Variants in SCN2A observed in about 807,000 individuals in gnomAD.
SCN2A encodes the protein sodium channel protein type 2 subunit alpha.
SCN2A carries 20 observed loss-of-function variants against 188.7 expected under a neutral mutation model. That is an observed-to-expected ratio of 0.11 (90% CI 0.07 to 0.15). The LOEUF (loss-of-function observed/expected upper bound fraction) is 0.15, where lower values mean the gene tolerates loss of function less well. SCN2A is among the 10% of genes least tolerant of loss of function. The pLI is 1.00. For synonymous variants in SCN2A, 804 were observed against 833.1 expected, an observed-to-expected ratio of 0.97 and a Z score of 0.60; for missense variants, 1,278 against 2,445.0, an observed-to-expected ratio of 0.52 and a Z score of 10.07.
At chr2:165,308,595 G>A (rs1421951472) in intron 4 of SCN2A, 71 bp from the exon 5 acceptor site, 1 of 1,548,404 alleles carries the variant, frequency 6.5e-7, no homozygotes, top group East Asian at 2.3e-5. Context: ...TGCTGTTTAT[G>A]TCATCTTTAA....
intron 16 of SCN2A, among the ~76,000 whole-genome samples, chr2:165,353,362 A>G (rs1700027666): frequency 6.6e-6 from 1 of 152,208 alleles, no homozygotes; most frequent in Non-Finnish European, 1.5e-5. Flanking sequence ...AAAAAATGGT[A>G]CAAAGGCACA....
intron 1 of SCN2A, among the ~76,000 whole-genome samples, chr2:165,244,266 A>AAAAGG (rs1206561961): frequency 3.3e-5 from 5 of 152,084 alleles, no homozygotes; most frequent in Admixed American, 1.3e-4. Context: ...AAATAAATAG[A>AAAAGG]AAAGGAAAGG....
Sources: gnomAD v4.1 joint callset for allele counts (sites outside exome capture counted in the v4.1 genomes callset) on GRCh38, gnomAD v4.1.1 for gene constraint, MANE v1.5 for transcripts, NCBI Gene and HGNC (gene_info 2026-07-23, HGNC 2026-07-21) for gene names.